Variants in ATP2A2 observed in about 807,000 individuals in gnomAD.
The protein encoded by ATP2A2 is ATPase sarcoplasmic/endoplasmic reticulum Ca2+ transporting 2, also known as sarcoplasmic/endoplasmic reticulum calcium ATPase 2.
In ATP2A2, 14 loss-of-function variants were observed where a neutral mutation model predicts 109.3. The observed-to-expected ratio is 0.13, with a 90% CI of 0.08 to 0.20. The LOEUF is 0.20. Among genes scored for constraint, ATP2A2 ranks in the 10% least tolerant of loss-of-function variants. ATP2A2 has a pLI of 1.00. For synonymous variants in ATP2A2, 506 were observed against 490.9 expected, an observed-to-expected ratio of 1.03 and a Z score of -0.41; for missense variants, 657 against 1,321.6, an observed-to-expected ratio of 0.50 and a Z score of 7.80.
chr12:110,340,982 G>A lies in ATP2A2; in HGVS notation c.2085G>A (p.Glu695=). ...TAGAATTTCTTCAGTCTTTTGATGA[G>A]ATTACAGCTATGGTGAGCATGTTTG... The part of the protein sequence containing the change: ...KIVEFLQSFD[E]ITAMTGDGVN... Residue 695 remains glutamate, a synonymous_variant, in exon 14 of 20, where the codon GAG becomes GAA. Transcript: ENST00000539276. The surrounding 1 kb of genome is among the most constrained non-coding windows in gnomAD (Gnocchi z 6.0). 1 of 1,614,160 alleles carries A rather than the reference G, an allele frequency of 6.2e-7. No individual in the cohort carries two copies. The highest frequency in any genetic ancestry group is 8.5e-7 in the Non-Finnish European group (1 of 1,180,010).
At position 110,350,361 on chromosome 12, in the gene ATP2A2, G is replaced by A. The variant is rs1027856545; in HGVS notation, c.*3891G>A. On this transcript the variant is annotated 3_prime_UTR_variant, in exon 20 of 20. Coordinates refer to ENST00000539276, the MANE Select transcript of ATP2A2 (RefSeq NM_170665.4). ...AGGGTGTTCGGTTGCGTGCATGTGC[G>A]TTTTTAGCAACACATCTACCAACCC... The A allele has an allele frequency of 7.1e-5, 114 of 1,613,862 alleles. No homozygotes were observed. The highest frequency in any genetic ancestry group is 7.7e-5 in the South Asian group (7 of 91,076).
rs1272832496 is a variant in ATP2A2 at position 110,342,762 on chromosome 12, TTTTTA to T, written c.2318+318_2318+322del. 6.6e-6 allele frequency among the ~76,000 whole-genome samples: 1 copy of T among 152,186 alleles called. No individual in the cohort carries two copies. Among genetic ancestry groups the T allele is most frequent in the Admixed American group, 6.5e-5 (1 of 15,268 alleles). ...CTCAGTCAGCTTAATAATTTTTTTATTTTTATTTATTTTTTTGAGACAGTCTCGCT... is the reference window on the plus strand; with the variant it reads ...CTCAGTCAGCTTAATAATTTTTTTATTTTATTTTTTTGAGACAGTCTCGCT... On this transcript the variant is annotated intron_variant, in intron 15 of 19. Transcript: ENST00000539276. This position sits in a 1 kb window ranked among gnomAD's most constrained non-coding sequence, Gnocchi z 4.6.
intron 16 of ATP2A2, 142 bp from the exon 17 acceptor site, chr12:110,344,744 G>C: frequency 1.3e-6 from 1 of 786,152 alleles, no homozygotes; most frequent in Non-Finnish European, 2.2e-6. Flanking sequence ...GCGTGAGCAG[G>C]TGGTGGTAGC....
chr12:110,281,959 G>C, intron 1 of ATP2A2, 52 bp downstream of exon 1: 1 of 1,434,606 alleles, frequency 7.0e-7, no homozygotes, highest in South Asian at 1.3e-5. Flanking sequence ...GGAGAGCCAG[G>C]GAAGATGGCT....
intron 4 of ATP2A2, 198 bp from the exon 5 acceptor site, chr12:110,296,401 T>G (rs1180384513): frequency 7.6e-6 from 5 of 656,208 alleles, no homozygotes; most frequent in Non-Finnish European, 1.3e-5. Flanking sequence ...TAATTGAGGG[T>G]ACTTAACGTT....
At chr12:110,291,698 G>A (rs1477094517) in intron 3 of ATP2A2, among the ~76,000 whole-genome samples, 1 of 143,930 alleles carries the variant, frequency 6.9e-6, no homozygotes, top group Admixed American at 7.1e-5. Context: ...GAGTGCAATG[G>A]CATGCAGTAC....
intron 5 of ATP2A2, 112 bp downstream of exon 5, chr12:110,296,849 A>ACATTTTAT: frequency 4.1e-6 from 5 of 1,219,830 alleles, no homozygotes; most frequent in African/African-American, 1.5e-5. Context: ...ATCAATTAAC[A>ACATTTTAT]CATTTTATTG....
chr12:110,313,619 GAACCACCTTTCCTAAGCATTAACACCA>G (rs1266530037), intron 5 of ATP2A2, among the ~76,000 whole-genome samples: 1 of 150,724 alleles, frequency 6.6e-6, no homozygotes, highest in Admixed American at 6.6e-5. Flanking sequence ...CTGGCCATGG[GAACCACCTTTCCTAAGCATTAACACCA>G]AACCACCTAG....
intron 6 of ATP2A2, among the ~76,000 whole-genome samples, chr12:110,323,815 G>A (rs936720405): frequency 6.6e-6 from 1 of 152,188 alleles, no homozygotes; most frequent in African/African-American, 2.4e-5. Context: ...TAATTTGTTC[G>A]TTACCATAGG....
chr12:110,331,012 G>A (rs1413743131), intron 8 of ATP2A2: 2 of 152,192 alleles, frequency 1.3e-5, no homozygotes. Context: ...GGGAGGCCGA[G>A]GCGGGCGGAT....
chr12:110,322,601 A>G (rs536334928), intron 5 of ATP2A2, among the ~76,000 whole-genome samples: 3 of 152,334 alleles, frequency 2.0e-5, no homozygotes, highest in Non-Finnish European at 4.4e-5. Flanking sequence ...TTTTGATGGA[A>G]TGAATCATGG....
At chr12:110,281,114 G>C (rs1308497306), upstream of ATP2A2, 33 of 150,014 alleles carry the variant, frequency 2.2e-4, no homozygotes, top group Admixed American at 8.6e-4. Context: ...TGGGCGCCAG[G>C]CGCGCGGGAG....
intron 4 of ATP2A2, 161 bp from the exon 5 acceptor site, chr12:110,296,438 T>C: frequency 1.1e-6 from 1 of 912,042 alleles, no homozygotes; most frequent in East Asian, 2.4e-5. Flanking sequence ...TTAATAAATG[T>C]CCTTGTGTCT....
chr12:110,343,504 T>C (rs1481860141), intron 16 of ATP2A2, 70 bp downstream of exon 16: 1 of 1,562,208 alleles, frequency 6.4e-7, no homozygotes, highest in South Asian at 1.1e-5. Context: ...TGTAAATTCA[T>C]CCCTTAAAAG....
intron 1 of ATP2A2, 78 bp downstream of exon 1, chr12:110,281,985 C>A (rs1872145846): frequency 1.6e-6 from 2 of 1,220,030 alleles, no homozygotes; most frequent in Non-Finnish European, 2.2e-6. Flanking sequence ...GGCTCCACCT[C>A]GTGGGCTTCG....
At chr12:110,310,093 A>G (rs990107416) in intron 5 of ATP2A2, among the ~76,000 whole-genome samples, 7 of 152,106 alleles carry the variant, frequency 4.6e-5, no homozygotes, top group Admixed American at 3.9e-4. Context: ...ATCTGCTGAC[A>G]TGAAAGTGAA....
At chr12:110,345,728 T>C (rs1286769024) in intron 18 of ATP2A2, 2 of 578,008 alleles carry the variant, frequency 3.5e-6, no homozygotes, top group Non-Finnish European at 6.1e-6. Context: ...AAATGGAAAT[T>C]TCTAAATAGC....
At chr12:110,325,918 G>T (rs1877748781) in intron 6 of ATP2A2, 1 of 168,828 alleles carries the variant, frequency 5.9e-6, no homozygotes, top group Non-Finnish European at 1.3e-5. Flanking sequence ...AGCCCAGGAA[G>T]TTGAGGCTGT....
At chr12:110,304,956 G>C (rs980843693) in intron 5 of ATP2A2, among the ~76,000 whole-genome samples, 1 of 151,922 alleles carries the variant, frequency 6.6e-6, no homozygotes, top group Non-Finnish European at 1.5e-5. Flanking sequence ...TTGAGACGGA[G>C]TCTTGCTCTG....
Sources: allele counts gnomAD v4.1 joint callset (sites outside exome capture counted in the v4.1 genomes callset), GRCh38; gene constraint gnomAD v4.1.1; non-coding constraint Gnocchi (gnomAD v3.1); transcripts MANE v1.5; gene names NCBI Gene and HGNC (gene_info 2026-07-23, HGNC 2026-07-21).